Variants in ICA1 observed in about 807,000 individuals in gnomAD.
ICA1 encodes 69 kDa islet cell autoantigen.
Under a neutral mutation model 71.0 loss-of-function variants are expected in ICA1, and 40 were observed. The observed-to-expected ratio is 0.56, with a 90% CI of 0.44 to 0.73. The LOEUF is 0.73. Among genes scored for constraint, ICA1 ranks in the 30% least tolerant of loss-of-function variants. ICA1 has a pLI of 0.00. For synonymous variants in ICA1, 207 were observed against 209.5 expected, an observed-to-expected ratio of 0.99 and a Z score of 0.10; for missense variants, 578 against 576.5, an observed-to-expected ratio of 1.00 and a Z score of -0.03.
chr7:8,197,099 C>A (rs1223745391), intron 6 of ICA1, among the ~76,000 whole-genome samples: 2 of 151,198 alleles, frequency 1.3e-5, no homozygotes, highest in Non-Finnish European at 2.9e-5. Flanking sequence ...TTTTTCTACA[C>A]ATGAGCATTT....
chr7:8,195,685 G>C (rs1787225686), intron 6 of ICA1, among the ~76,000 whole-genome samples: 1 of 152,008 alleles, frequency 6.6e-6, no homozygotes, highest in South Asian at 2.1e-4. Context: ...TCCACCTGGA[G>C]TTAAAAACAT....
At chr7:8,257,929 G>T (rs557870211) in intron 1 of ICA1, among the ~76,000 whole-genome samples, 12 of 152,266 alleles carry the variant, frequency 7.9e-5, no homozygotes, top group African/African-American at 2.6e-4. Context: ...TCCCTTACTT[G>T]TTGACTTTTG....
At chr7:8,178,786 G>A (rs1047307924) in intron 6 of ICA1, among the ~76,000 whole-genome samples, 2 of 152,084 alleles carry the variant, frequency 1.3e-5, no homozygotes, top group African/African-American at 4.8e-5. Context: ...TGGATCCTGG[G>A]TTCTTTGTAC....
intron 13 of ICA1, among the ~76,000 whole-genome samples, chr7:8,117,879 C>T (rs1204918609): frequency 6.6e-6 from 1 of 152,200 alleles, no homozygotes; most frequent in African/African-American, 2.4e-5. Context: ...CTAAGCTTTA[C>T]ACTTTCCAGT....
chr7:8,260,382 G>A (rs918131435), intron 1 of ICA1, among the ~76,000 whole-genome samples: 12 of 152,242 alleles, frequency 7.9e-5, no homozygotes, highest in Admixed American at 3.9e-4. Context: ...TGTTCCAAAT[G>A]GGGGAAAATA....
chr7:8,204,808 T>A (rs945233214), intron 6 of ICA1, among the ~76,000 whole-genome samples: 4 of 152,320 alleles, frequency 2.6e-5, no homozygotes, highest in African/African-American at 9.6e-5. Context: ...TCATTATATT[T>A]TCAAAATACT....
chr7:8,210,235 A>G (rs1390219290), intron 6 of ICA1, among the ~76,000 whole-genome samples: 1 of 152,210 alleles, frequency 6.6e-6, no homozygotes. Context: ...TGGAAGTAGA[A>G]TTATTAGAAA....
intron 6 of ICA1, 39 bp from the exon 7 acceptor site, chr7:8,158,691 CT>C (rs763206527): frequency 1.8e-4 from 286 of 1,595,174 alleles, no homozygotes; most frequent in Non-Finnish European, 2.4e-4. Context: ...CACCCTAACC[CT>C]TAAGTAGGTA....
Position 8,215,143 on chromosome 7 carries a change from C to T in ICA1, c.579+3162G>A, listed in dbSNP as rs529334025. On this transcript the variant is annotated intron_variant, in intron 6 of 13. Coordinates refer to ENST00000402384, the MANE Select transcript of ICA1 (RefSeq NM_001136020.3). ...GATCATGCCTCCTGCCTTCCCTACACCCTCCCACTACTCCGTCCCCTTAGA... is the reference window on the plus strand; with the variant it reads ...GATCATGCCTCCTGCCTTCCCTACATCCTCCCACTACTCCGTCCCCTTAGA... Among the ~76,000 whole-genome samples, 8 of 152,276 alleles carry T rather than the reference C, an allele frequency of 5.3e-5. No individual in the cohort carries two copies. The South Asian group carries it at 6.2e-4, about 12-fold the overall frequency.
chr7:8,190,297 A>C (rs977350530), intron 6 of ICA1, among the ~76,000 whole-genome samples: 4 of 151,950 alleles, frequency 2.6e-5, no homozygotes, highest in Non-Finnish European at 5.9e-5. Context: ...TTTCATATTT[A>C]CCCAGAGGAG....
At chr7:8,248,560 C>T (rs1806951713) in intron 1 of ICA1, among the ~76,000 whole-genome samples, 1 of 152,000 alleles carries the variant, frequency 6.6e-6, no homozygotes, top group African/African-American at 2.4e-5. Flanking sequence ...ACCAAAAATA[C>T]AAAAAATTAG....
chr7:8,209,268 A>G (rs746716798), intron 6 of ICA1, among the ~76,000 whole-genome samples: 1 of 152,118 alleles, frequency 6.6e-6, no homozygotes, highest in Non-Finnish European at 1.5e-5. Context: ...TTCCCCCTCC[A>G]CACTTGAAAA....
chr7:8,221,258 C>T lies in ICA1; in HGVS notation c.380+17G>A, dbSNP rs192844554. On this transcript the variant is annotated intron_variant, in intron 5 of 13. Coordinates refer to ENST00000402384, the MANE Select transcript of ICA1 (RefSeq NM_001136020.3). Reference sequence around the variant, plus strand: ...CCTCAGATCCCCCCAGATAGAACCCCACTAAAGGCCACACACCTTTGCTGG... The same window carrying T: ...CCTCAGATCCCCCCAGATAGAACCCTACTAAAGGCCACACACCTTTGCTGG... 8.7e-6 allele frequency: 14 copies of T among 1,613,080 alleles called. No homozygotes were observed. In the African/African-American group the frequency reaches 1.7e-4, roughly 20 times the overall value.
At chr7:8,220,973 C>T (rs890458035) in intron 5 of ICA1, among the ~76,000 whole-genome samples, 7 of 151,984 alleles carry the variant, frequency 4.6e-5, no homozygotes, top group African/African-American at 9.7e-5. Context: ...CTACAAGCAA[C>T]ACTGAAGGTC....
In ICA1 at chr7:8,184,656, T is replaced by G. The variant is rs544692909; in HGVS notation, c.580-26004A>C. 2.7e-5 allele frequency among the ~76,000 whole-genome samples: 4 copies of G among 146,826 alleles called. No individual in the cohort carries two copies. In the South Asian group the frequency reaches 8.3e-4, roughly 31 times the overall value. ...ATACTTGAAATAAAACCTAATGAAC[T>G]ATTGTGGATTAAAAGCCTATTGTAT... On this transcript the variant is annotated intron_variant, in intron 6 of 13. Coordinates refer to ENST00000402384, the MANE Select transcript of ICA1 (RefSeq NM_001136020.3).
chr7:8,171,385 G>A (rs955371946), intron 6 of ICA1, among the ~76,000 whole-genome samples: 1 of 151,820 alleles, frequency 6.6e-6, no homozygotes, highest in Non-Finnish European at 1.5e-5. Context: ...TGTCTTTAAA[G>A]GGATTTGTCC....
At chr7:8,188,613 A>G (rs1562915189) in intron 6 of ICA1, among the ~76,000 whole-genome samples, 2 of 152,224 alleles carry the variant, frequency 1.3e-5, no homozygotes, top group South Asian at 4.1e-4. Context: ...AATTATAATT[A>G]GGGCATTATA....
intron 1 of ICA1, 65 bp from the exon 2 acceptor site, chr7:8,236,070 A>T: frequency 1.1e-6 from 1 of 871,784 alleles, no homozygotes; most frequent in African/African-American, 1.7e-5. Flanking sequence ...AATGTGACAC[A>T]CATAAAAGCC....
intron 8 of ICA1, among the ~76,000 whole-genome samples, chr7:8,153,813 T>C (rs1177364222): frequency 1.4e-5 from 2 of 140,582 alleles, no homozygotes; most frequent in Non-Finnish European, 3.1e-5. Flanking sequence ...ATAAAATAAA[T>C]ATATTAATTA....
Sources: allele counts gnomAD v4.1 joint callset (sites outside exome capture counted in the v4.1 genomes callset), GRCh38; gene constraint gnomAD v4.1.1; transcripts MANE v1.5; gene names NCBI Gene and HGNC (gene_info 2026-07-23, HGNC 2026-07-21).